EPHB1: variants seen among roughly 807,000 people sequenced by gnomAD.
EPHB1 encodes the protein ephrin type-B receptor 1.
Under a neutral mutation model 94.4 loss-of-function variants are expected in EPHB1, and 30 were observed. That is an observed-to-expected ratio of 0.32 (90% confidence interval 0.24 to 0.43). The LOEUF (loss-of-function observed/expected upper bound fraction) is 0.43, where lower values mean the gene tolerates loss of function less well. EPHB1 is among the 20% of genes least tolerant of loss of function. EPHB1 has a pLI of 1.00. For missense variants in EPHB1, 1,055 were observed against 1,308.3 expected (o/e 0.81, Z 2.99); for synonymous variants, 522 against 489.1 (o/e 1.07, Z -0.89).
chr3:134,941,508 C>G (rs2039115174), intron 2 of EPHB1, among the ~76,000 whole-genome samples: 1 of 151,800 alleles, frequency 6.6e-6, no homozygotes, highest in Admixed American at 6.6e-5. Context: ...TCATTTTGAC[C>G]AGTAATATTA....
intron 3 of EPHB1, among the ~76,000 whole-genome samples, chr3:135,012,035 A>C (rs1220083481): frequency 6.6e-6 from 1 of 152,166 alleles, no homozygotes; most frequent in East Asian, 1.9e-4. Flanking sequence ...CATGCCAGAG[A>C]GAGTCTGTCA....
At chr3:134,985,153 T>C (rs1298711905) in intron 3 of EPHB1, among the ~76,000 whole-genome samples, 1 of 151,952 alleles carries the variant, frequency 6.6e-6, no homozygotes, top group African/African-American at 2.4e-5. Context: ...GGACCTCTGG[T>C]GTGTTTTGTT....
At position 135,233,105 on chromosome 3, in the gene EPHB1, A is replaced by AT. The variant is rs1439268812; in HGVS notation, c.2347-8042dup. On this transcript the variant is annotated intron_variant, in intron 12 of 15. Transcript: ENST00000398015. ...TGTCCTCACATTTCAAAACATAGTC[A>AT]TGCCATTCCGGCAGTCCCCCAAAAT... is the stretch of plus-strand genomic sequence containing the variant. Among the ~76,000 whole-genome samples the AT allele has an allele frequency of 4.6e-5, 7 of 152,334 alleles. No homozygotes were observed. In the East Asian group the frequency reaches 1.4e-3, roughly 29 times the overall value.
At chr3:134,796,501 TGGC>T (rs1408323409) in intron 1 of EPHB1, 3 of 152,192 alleles carry the variant, frequency 2.0e-5, no homozygotes, top group African/African-American at 7.2e-5. Flanking sequence ...AGCTCAGACT[TGGC>T]GGTGCCTCCG....
rs549495377 is a variant in EPHB1, at chr3:134,955,476, A to G, written c.805+3424A>G. ...GGCTGCATAGTATTCCATGGTGTAT[A>G]TGTGCCACATTTTCTTAATCCAGTC... On this transcript the variant is annotated intron_variant, in intron 3 of 15. Coordinates refer to ENST00000398015, the MANE Select transcript of EPHB1 (RefSeq NM_004441.5). Among the ~76,000 whole-genome samples, 5 of 97,754 alleles carry G rather than the reference A, an allele frequency of 5.1e-5. No individual in the cohort carries two copies. In the East Asian group the frequency reaches 1.1e-3, roughly 22 times the overall value. 64.1% of individuals were successfully genotyped at this position (97,754 alleles called of 152,430 possible).
intron 1 of EPHB1, among the ~76,000 whole-genome samples, chr3:134,920,584 A>G (rs902768401): frequency 2.0e-4 from 31 of 152,214 alleles, no homozygotes; most frequent in Non-Finnish European, 4.1e-4. Flanking sequence ...ACCATGATGG[A>G]AGGACACTGT....
chr3:134,909,359 C>T (rs1338322304), intron 1 of EPHB1, among the ~76,000 whole-genome samples: 1 of 152,222 alleles, frequency 6.6e-6, no homozygotes, highest in Non-Finnish European at 1.5e-5. Context: ...TAGTAAGTGC[C>T]TCATCTTTGG....
intron 1 of EPHB1, among the ~76,000 whole-genome samples, chr3:134,828,181 T>C (rs1245061636): frequency 1.3e-5 from 2 of 152,302 alleles, no homozygotes; most frequent in East Asian, 3.9e-4. Flanking sequence ...TAGGAATAAA[T>C]GTGCAAAATT....
intron 12 of EPHB1, 44 bp from the exon 13 acceptor site, chr3:135,241,103 CA>C (rs762601656): frequency 1.2e-6 from 2 of 1,613,430 alleles, no homozygotes; most frequent in South Asian, 2.2e-5. Context: ...TGCCTTCAAT[CA>C]GAAACCTGAT....
chr3:134,888,120 G>A (rs1399852708), intron 1 of EPHB1, among the ~76,000 whole-genome samples: 1 of 152,168 alleles, frequency 6.6e-6, no homozygotes, highest in Non-Finnish European at 1.5e-5. Context: ...CTGAGCAGAG[G>A]GAATCCCTTC....
intron 4 of EPHB1, among the ~76,000 whole-genome samples, chr3:135,127,103 T>C (rs1465705656): frequency 6.6e-6 from 1 of 152,234 alleles, no homozygotes; most frequent in South Asian, 2.1e-4. Context: ...ATAAGGAAAC[T>C]GAGACTTAGA....
At chr3:135,214,828 C>T (rs1429212674) in intron 12 of EPHB1, among the ~76,000 whole-genome samples, 4 of 152,108 alleles carry the variant, frequency 2.6e-5, no homozygotes, top group Non-Finnish European at 5.9e-5. Flanking sequence ...TCAGCAATGT[C>T]GCCTGAGAAA....
rs565761725 is a variant in EPHB1 at position 135,024,024 on chromosome 3, T to C, written c.805+71972T>C. On this transcript the variant is annotated intron_variant, in intron 3 of 15. Coordinates refer to ENST00000398015, the MANE Select transcript of EPHB1 (RefSeq NM_004441.5). ...TGAAGTAGTTTATTTTGGGCCAAAC[T>C]GAAAAGGGGCCCCGCTGCAACTTTA... is the stretch of plus-strand genomic sequence containing the variant. Among the ~76,000 whole-genome samples, 6 of 152,324 alleles carry C rather than the reference T, an allele frequency of 3.9e-5. No homozygotes were observed. In the East Asian group the frequency reaches 1.2e-3, roughly 29 times the overall value.
In EPHB1 at chr3:135,147,863, G is replaced by A. The variant is rs183346547; in HGVS notation, c.1298-6289G>A. On this transcript the variant is annotated intron_variant, in intron 5 of 15. Coordinates refer to ENST00000398015, the MANE Select transcript of EPHB1 (RefSeq NM_004441.5). ...GATGTCCTCAAACAAGGCTGTCCCC[G>A]TCACAATTTCCACCCACACACACAA... is the stretch of plus-strand genomic sequence containing the variant. Among the ~76,000 whole-genome samples, 5 of 152,254 alleles carry A rather than the reference G, an allele frequency of 3.3e-5. No homozygotes were observed. In the East Asian group the frequency reaches 9.7e-4, roughly 29 times the overall value.
intron 4 of EPHB1, among the ~76,000 whole-genome samples, chr3:135,125,734 T>C (rs1295942159): frequency 1.3e-5 from 2 of 152,222 alleles, no homozygotes; most frequent in African/African-American, 2.4e-5. Context: ...TTCCCTCTTT[T>C]GGCTTATGTT....
intron 1 of EPHB1, among the ~76,000 whole-genome samples, chr3:134,847,416 T>C (rs751799458): frequency 4.6e-5 from 7 of 152,226 alleles, no homozygotes; most frequent in Non-Finnish European, 7.3e-5. Context: ...CTGTAAAATG[T>C]GGACACTCCA....
chr3:134,804,071 A>ATTTTTTT (rs572201781), intron 1 of EPHB1, among the ~76,000 whole-genome samples: 3 of 43,750 alleles, frequency 6.9e-5, no homozygotes, highest in African/African-American at 2.9e-4. Flanking sequence ...ATTATTGGCT[A>ATTTTTTT]TTTTTTTTTT....
At chr3:135,142,669 T>C (rs1302944923) in intron 5 of EPHB1, among the ~76,000 whole-genome samples, 3 of 151,994 alleles carry the variant, frequency 2.0e-5, no homozygotes, top group East Asian at 3.9e-4. Context: ...GAAAATCGAG[T>C]GACTTTAGGC....
intron 15 of EPHB1, 58 bp downstream of exon 15, chr3:135,249,549 G>C: frequency 6.4e-7 from 1 of 1,561,670 alleles, no homozygotes; most frequent in East Asian, 2.3e-5. Flanking sequence ...CTCCTTCCCT[G>C]CTATTGCAGA....
Sources: gnomAD v4.1 joint callset for allele counts (sites outside exome capture counted in the v4.1 genomes callset) on GRCh38, gnomAD v4.1.1 for gene constraint, MANE v1.5 for transcripts, NCBI Gene and HGNC (gene_info 2026-07-23, HGNC 2026-07-21) for gene names.